Variants in SVIL observed in about 807,000 individuals in gnomAD.
SVIL encodes supervillin.
A neutral mutation model predicts 240.4 loss-of-function variants in SVIL; 101 were observed. That is an observed-to-expected ratio of 0.42 (90% CI 0.36 to 0.50). The LOEUF (loss-of-function observed/expected upper bound fraction) is 0.50. SVIL is among the 20% of genes least tolerant of loss of function. The pLI, the probability that SVIL is intolerant of heterozygous loss-of-function variation, is 0.01. For synonymous variants in SVIL, 999 were observed against 1,100.0 expected (o/e 0.91, Z 1.82); for missense variants, 2,512 against 2,818.7 (o/e 0.89, Z 2.46).
At chr10:29,585,648 C>G (rs1449051402) in intron 1 of SVIL, among the ~76,000 whole-genome samples, 2 of 150,282 alleles carry the variant, frequency 1.3e-5, no homozygotes, top group African/African-American at 2.4e-5. Flanking sequence ...CATCTCCCAA[C>G]TGTGCTAAAA....
At chr10:29,467,970 C>T in intron 32 of SVIL, 95 bp from the exon 33 acceptor site, 1 of 1,305,514 alleles carries the variant, frequency 7.7e-7, no homozygotes, top group Non-Finnish European at 1.1e-6. Context: ...TTTATAATAG[C>T]TTTATTGAGA....
At chr10:29,470,137 G>T in intron 32 of SVIL, 139 bp downstream of exon 32, 2 of 957,372 alleles carry the variant, frequency 2.1e-6, no homozygotes, top group Non-Finnish European at 3.2e-6. Context: ...AGAGGCCCCT[G>T]ACCACGTTCC....
At chr10:29,694,483 C>A (rs936898107) in intron 1 of SVIL, among the ~76,000 whole-genome samples, 5 of 151,508 alleles carry the variant, frequency 3.3e-5, no homozygotes, top group African/African-American at 7.3e-5. Flanking sequence ...TTTCTGAGAT[C>A]GAGTTTTACT....
At chr10:29,652,053 T>A (rs1034476585) in intron 3 of SVIL, among the ~76,000 whole-genome samples, 1 of 152,062 alleles carries the variant, frequency 6.6e-6, no homozygotes, top group Admixed American at 6.6e-5. Context: ...CTTACTGATA[T>A]AAAATTCACA....
intron 17 of SVIL, chr10:29,507,651 A>G (rs992437985): frequency 1.0e-5 from 6 of 600,324 alleles, no homozygotes; most frequent in Non-Finnish European, 1.3e-5. Flanking sequence ...TGCACCAAAT[A>G]AGTTATTTCC....
intron 6 of SVIL, among the ~76,000 whole-genome samples, chr10:29,542,541 T>C (rs1952255041): frequency 6.6e-6 from 1 of 152,170 alleles, no homozygotes. Context: ...ATTTTTAATT[T>C]CTGTGGGTAC....
At chr10:29,510,048 GT>G (rs2132480220) in intron 17 of SVIL, among the ~76,000 whole-genome samples, 1 of 152,218 alleles carries the variant, frequency 6.6e-6, no homozygotes, top group South Asian at 2.1e-4. Context: ...GATCACAGTC[GT>G]GCGCTACCAC....
At chr10:29,464,402 G>A (rs1944641244) in intron 34 of SVIL, among the ~76,000 whole-genome samples, 1 of 152,168 alleles carries the variant, frequency 6.6e-6, no homozygotes, top group Admixed American at 6.5e-5. Context: ...CTGCGCCACT[G>A]CACTCCAGCC....
At chr10:29,679,937 C>T (rs1409608471) in intron 2 of SVIL, among the ~76,000 whole-genome samples, 1 of 151,266 alleles carries the variant, frequency 6.6e-6, no homozygotes, top group Non-Finnish European at 1.5e-5. Context: ...AATCCCAGCA[C>T]TTTGGGAGGC....
chr10:29,533,267 T>C lies in SVIL; in HGVS notation c.1100A>G (p.Tyr367Cys), dbSNP rs556760351. The C allele has an allele frequency of 3.1e-6, 5 of 1,614,116 alleles. No homozygotes were observed. The African/African-American group carries it at 5.3e-5, about 17-fold the overall frequency. Residue 367 changes from tyrosine to cysteine, a missense_variant, in exon 8 of 38, where the codon TAT (tyrosine) becomes TGT (cysteine). Coordinates refer to ENST00000355867, the MANE Select transcript of SVIL (RefSeq NM_021738.3). ...GTGACCGGTATCTGCGGGTTGGACA[T>C]AGCCACGGATTGGCTGTCGTGTAGA... Reference protein sequence around the residue: ...AGSTRQPIRGYVQPADTGHTA... With the variant: ...AGSTRQPIRGCVQPADTGHTA...
At chr10:29,565,250 G>A (rs1954872455) in intron 2 of SVIL, among the ~76,000 whole-genome samples, 1 of 152,150 alleles carries the variant, frequency 6.6e-6, no homozygotes, top group African/African-American at 2.4e-5. Flanking sequence ...GCAAGAAACT[G>A]TCCCTGAGTT....
chr10:29,625,930 G>A (rs955001846), intron 1 of SVIL, among the ~76,000 whole-genome samples: 7 of 152,028 alleles, frequency 4.6e-5, no homozygotes, highest in African/African-American at 1.5e-4. Context: ...TCAGCTTTGA[G>A]GTATAATTCA....
chr10:29,709,573 C>T (rs938963953), intron 1 of SVIL, among the ~76,000 whole-genome samples: 1 of 152,282 alleles, frequency 6.6e-6, no homozygotes, highest in East Asian at 1.9e-4. Context: ...CTGGAGAAGT[C>T]GTGCAGGAGG....
At chr10:29,699,924 G>A (rs1221016969) in intron 1 of SVIL, among the ~76,000 whole-genome samples, 4 of 152,238 alleles carry the variant, frequency 2.6e-5, no homozygotes, top group African/African-American at 9.6e-5. Context: ...TTCAACAAAT[G>A]TGGAAGGAAC....
At chr10:29,605,993 C>T (rs993295886) in intron 1 of SVIL, among the ~76,000 whole-genome samples, 2 of 152,270 alleles carry the variant, frequency 1.3e-5, no homozygotes, top group Admixed American at 1.3e-4. Flanking sequence ...TCACTGCAAC[C>T]TCCGCCTCCT....
At chr10:29,709,704 C>T (rs973145160) in intron 1 of SVIL, among the ~76,000 whole-genome samples, 15 of 152,106 alleles carry the variant, frequency 9.9e-5, no homozygotes, top group East Asian at 1.9e-4. Context: ...AGGTGGTTCC[C>T]GGTAAGTCTG....
intron 1 of SVIL, among the ~76,000 whole-genome samples, chr10:29,597,304 GGA>G (rs1956632165): frequency 6.6e-6 from 1 of 152,214 alleles, no homozygotes; most frequent in South Asian, 2.1e-4. Context: ...AAGAATCATG[GGA>G]GAGAGGGCAG....
intron 1 of SVIL, among the ~76,000 whole-genome samples, chr10:29,704,880 A>G (rs1439253293): frequency 6.6e-6 from 1 of 152,178 alleles, no homozygotes; most frequent in Non-Finnish European, 1.5e-5. Flanking sequence ...GGGTTGGGGA[A>G]GGGAACAGGG....
At chr10:29,642,405 A>AAG (rs1381464827) in intron 3 of SVIL, among the ~76,000 whole-genome samples, 1 of 146,790 alleles carries the variant, frequency 6.8e-6, no homozygotes, top group African/African-American at 2.5e-5. Context: ...AACAGAAAGA[A>AAG]AGAGAGAGAG....
Sources: allele counts gnomAD v4.1 joint callset (sites outside exome capture counted in the v4.1 genomes callset), GRCh38; gene constraint gnomAD v4.1.1; transcripts MANE v1.5; gene names NCBI Gene and HGNC (gene_info 2026-07-23, HGNC 2026-07-21).